Variants in TRDN observed in about 807,000 individuals in gnomAD.
The protein encoded by TRDN is triadin in skeletal muscle.
Under a neutral mutation model 149.7 loss-of-function variants are expected in TRDN, and 161 were observed. That is an observed-to-expected ratio of 1.08 (90% CI 0.95 to 1.23). TRDN has a LOEUF of 1.23. TRDN is among the 50% of genes most tolerant of loss of function. The pLI, the probability that TRDN is intolerant of heterozygous loss-of-function variation, is 0.00. For missense variants in TRDN, 896 were observed against 823.5 expected, an observed-to-expected ratio of 1.09 and a Z score of -1.08; for synonymous variants, 294 against 250.5, an observed-to-expected ratio of 1.17 and a Z score of -1.64.
intron 1 of TRDN, among the ~76,000 whole-genome samples, chr6:123,573,793 T>G (rs576133728): frequency 6.5e-4 from 99 of 152,136 alleles, no homozygotes; most frequent in Non-Finnish European, 1.2e-3. Context: ...ATAACTGAAT[T>G]CCTTAAATTA....
At chr6:123,526,367 TTC>T (rs1779948500) in intron 5 of TRDN, among the ~76,000 whole-genome samples, 19 of 151,928 alleles carry the variant, frequency 1.3e-4, no homozygotes, top group Admixed American at 6.6e-4. Flanking sequence ...ACCACAGGGT[TTC>T]AGAGACAAAT....
At chr6:123,605,484 C>T (rs1467282096) in intron 1 of TRDN, among the ~76,000 whole-genome samples, 1 of 150,706 alleles carries the variant, frequency 6.6e-6, no homozygotes, top group Non-Finnish European at 1.5e-5. Context: ...TGGCAGCCAA[C>T]AACAAATAAA....
chr6:123,522,093 G>A (rs1681928332), intron 5 of TRDN, among the ~76,000 whole-genome samples: 1 of 152,064 alleles, frequency 6.6e-6, no homozygotes, highest in African/African-American at 2.4e-5. Flanking sequence ...CCACTCTGAA[G>A]CTGACCATAT....
chr6:123,256,540 G>A (rs1776569260), intron 35 of TRDN, among the ~76,000 whole-genome samples: 1 of 152,010 alleles, frequency 6.6e-6, no homozygotes, highest in South Asian at 2.1e-4. Context: ...GGTGTGAGAT[G>A]GTATCTCAGT....
chr6:123,365,665 A>G (rs978445224), intron 20 of TRDN, among the ~76,000 whole-genome samples: 1 of 152,136 alleles, frequency 6.6e-6, no homozygotes, highest in Non-Finnish European at 1.5e-5. Flanking sequence ...TTCATTTCAG[A>G]CTTCCCAATA....
chr6:123,426,293 A>T (rs1222184461), intron 12 of TRDN, among the ~76,000 whole-genome samples: 1 of 152,162 alleles, frequency 6.6e-6, no homozygotes, highest in African/African-American at 2.4e-5. Context: ...AAGGAGTTTT[A>T]AAAAAGGAAC....
At chr6:123,617,233 T>C (rs1281390656) in intron 1 of TRDN, among the ~76,000 whole-genome samples, 1 of 152,162 alleles carries the variant, frequency 6.6e-6, no homozygotes. Flanking sequence ...CAAGGTGTCC[T>C]GGTCGAAGAA....
At chr6:123,474,891 C>G (rs1777384016) in intron 9 of TRDN, among the ~76,000 whole-genome samples, 2 of 151,866 alleles carry the variant, frequency 1.3e-5, no homozygotes, top group Admixed American at 1.3e-4. Context: ...AACAAAGACA[C>G]AACATACCAG....
chr6:123,301,253 T>C (rs11967272), intron 24 of TRDN, among the ~76,000 whole-genome samples: 2,967 of 152,106 alleles, frequency 0.02, 86 homozygotes, highest in South Asian at 0.077. Context: ...TGTAGCAAAA[T>C]AATATGGAGG....
At chr6:123,499,719 A>AAAAAAAAAAATATATATAT in intron 8 of TRDN, among the ~76,000 whole-genome samples, 1 of 47,678 alleles carries the variant, frequency 2.1e-5, no homozygotes, top group African/African-American at 7.2e-5. Flanking sequence ...AAAAAAAAAA[A>AAAAAAAAAAATATATATAT]ATATATATAT....
intron 5 of TRDN, among the ~76,000 whole-genome samples, chr6:123,522,751 A>T (rs909321577): frequency 6.6e-6 from 1 of 152,180 alleles, no homozygotes; most frequent in Non-Finnish European, 1.5e-5. Flanking sequence ...AGTTGTCTGT[A>T]GGAATCCAGT....
chr6:123,226,367 A>C (rs1000748349), intron 38 of TRDN, among the ~76,000 whole-genome samples: 1 of 151,938 alleles, frequency 6.6e-6, no homozygotes, highest in Non-Finnish European at 1.5e-5. Flanking sequence ...CTGTACAAAA[A>C]TAAAATGAGG....
chr6:123,486,279 A>G (rs891750799), intron 9 of TRDN, among the ~76,000 whole-genome samples: 1 of 151,254 alleles, frequency 6.6e-6, no homozygotes, highest in Non-Finnish European at 1.5e-5. Flanking sequence ...CCACTGTTGA[A>G]TAGTAAGATT....
At chr6:123,582,974 G>T (rs1331630163) in intron 1 of TRDN, among the ~76,000 whole-genome samples, 1 of 152,106 alleles carries the variant, frequency 6.6e-6, no homozygotes, top group Admixed American at 6.5e-5. Flanking sequence ...AGAAGTATTG[G>T]TGATGGCCTG....
chr6:123,500,934 G>A (rs561641588), intron 8 of TRDN, among the ~76,000 whole-genome samples: 179 of 152,166 alleles, frequency 1.2e-3, no homozygotes, highest in Non-Finnish European at 1.8e-3. Flanking sequence ...TGGAAAATTC[G>A]TTTCTCCTTC....
intron 12 of TRDN, among the ~76,000 whole-genome samples, chr6:123,394,553 C>T (rs189545701): frequency 2.7e-4 from 41 of 152,152 alleles, no homozygotes; most frequent in African/African-American, 9.9e-4. Flanking sequence ...TGTGTGGACA[C>T]GAAGTTAGGT....
intron 6 of TRDN, among the ~76,000 whole-genome samples, chr6:123,513,459 T>C (rs1779269260): frequency 6.6e-6 from 1 of 152,084 alleles, no homozygotes; most frequent in Non-Finnish European, 1.5e-5. Flanking sequence ...ACAGAAAACA[T>C]TTAGCTACTG....
chr6:123,550,967 A>G (rs995149683), intron 2 of TRDN, among the ~76,000 whole-genome samples: 1 of 151,834 alleles, frequency 6.6e-6, no homozygotes, highest in African/African-American at 2.4e-5. Flanking sequence ...ATTTTAAAAG[A>G]ATCATATGTA....
At chr6:123,229,419 G>A (rs1165742491) in intron 38 of TRDN, among the ~76,000 whole-genome samples, 1 of 151,988 alleles carries the variant, frequency 6.6e-6, no homozygotes. Context: ...CTAAATCCAT[G>A]ACTTGCTTCA....
Sources: gnomAD v4.1 joint callset for allele counts (sites outside exome capture counted in the v4.1 genomes callset) on GRCh38, gnomAD v4.1.1 for gene constraint, MANE v1.5 for transcripts, NCBI Gene and HGNC (gene_info 2026-07-23, HGNC 2026-07-21) for gene names.